The following FTO variants were observed in gnomAD, a reference collection of about 807,000 sequenced individuals.
The protein encoded by FTO is FTO alpha-ketoglutarate dependent dioxygenase, also known as alpha-ketoglutarate-dependent dioxygenase FTO.
FTO carries 47 observed loss-of-function variants against 63.9 expected under a neutral mutation model. The ratio of observed to expected loss-of-function variants is 0.74; its 90% CI spans 0.58 to 0.94. The LOEUF is 0.94. FTO is among the 40% of genes least tolerant of loss of function. The pLI is 0.00. For synonymous variants in FTO, 207 were observed against 224.4 expected (o/e 0.92, Z 0.69); for missense variants, 562 against 618.1 (o/e 0.91, Z 0.96).
chr16:53,979,535 CTGTGTGTGTGTGTG>C (rs57334871), intron 8 of FTO: 9 of 373,254 alleles, frequency 2.4e-5, no homozygotes, highest in East Asian at 3.8e-5. Context: ...ATGTTTATGG[CTGTGTGTGTGTGTG>C]TGTGTGTGTG....
intron 8 of FTO, among the ~76,000 whole-genome samples, chr16:54,037,021 CA>C (rs1314005852): frequency 1.3e-5 from 2 of 152,202 alleles, no homozygotes; most frequent in Non-Finnish European, 2.9e-5. Flanking sequence ...AACCAACTGC[CA>C]CTGTATCTTT....
intron 1 of FTO, among the ~76,000 whole-genome samples, chr16:53,760,209 T>G (rs1376450037): frequency 3.3e-4 from 8 of 24,482 alleles, no homozygotes; most frequent in African/African-American, 1.4e-3. Context: ...AGCTTTGGTG[T>G]GTGTGTGTGT....
chr16:53,795,492 C>T (rs1314986507), intron 1 of FTO, among the ~76,000 whole-genome samples: 1 of 151,750 alleles, frequency 6.6e-6, no homozygotes, highest in Admixed American at 6.6e-5. Context: ...TGTGTAGAGA[C>T]CAGATTCTCG....
At chr16:53,788,948 T>G (rs2077823798) in intron 1 of FTO, among the ~76,000 whole-genome samples, 1 of 152,232 alleles carries the variant, frequency 6.6e-6, no homozygotes, top group Non-Finnish European at 1.5e-5. Flanking sequence ...CTAGGACATT[T>G]ATAAAGCTGA....
rs2080776489 is a variant in FTO at position 53,879,950 on chromosome 16, C to T, written c.1082C>T (p.Pro361Leu). 1 of 1,613,668 alleles carries T rather than the reference C, an allele frequency of 6.2e-7. No individual in the cohort carries two copies. Among genetic ancestry groups the T allele is most frequent in the East Asian group, 2.2e-5 (1 of 44,840 alleles). The change falls in exon 6 of 9, where the codon CCT (proline) becomes CTT (leucine). Residue 361 changes from proline to leucine, a missense_variant. Pro to Leu is a moderately conservative substitution (Grantham distance 98, BLOSUM62 -3). Transcript: ENST00000471389. ...GATGTCTCTTTGAAATCCTTTGAGC[C>T]TGCAGTTTTGAAACAAGGAGAAGAA... ...NDDVSLKSFE[P>L]AVLKQGEEIH...
intron 8 of FTO, among the ~76,000 whole-genome samples, chr16:53,943,902 C>T (rs1195299129): frequency 6.6e-6 from 1 of 152,142 alleles, no homozygotes; most frequent in Non-Finnish European, 1.5e-5. Context: ...TTATCCGTAC[C>T]GTGGTTCCCA....
intron 8 of FTO, among the ~76,000 whole-genome samples, chr16:54,094,917 C>T (rs1477492053): frequency 6.6e-6 from 1 of 152,172 alleles, no homozygotes. Context: ...AACCCTCCGG[C>T]GGTTCCCCAT....
chr16:53,837,772 C>T (rs749888380), intron 3 of FTO, among the ~76,000 whole-genome samples: 3 of 152,158 alleles, frequency 2.0e-5, no homozygotes, highest in African/African-American at 4.8e-5. Context: ...ACGCTGGGAA[C>T]GTGTCTAGAA....
chr16:54,017,854 C>G (rs879543730), intron 8 of FTO, among the ~76,000 whole-genome samples: 3 of 151,970 alleles, frequency 2.0e-5, no homozygotes, highest in Non-Finnish European at 2.9e-5. Flanking sequence ...CAGCCTCGCC[C>G]GCAAATTGTA....
chr16:53,862,899 C>T (rs1417723128), intron 4 of FTO, among the ~76,000 whole-genome samples: 1 of 152,168 alleles, frequency 6.6e-6, no homozygotes, highest in African/African-American at 2.4e-5. Context: ...TCTCCAGGAT[C>T]TGTTCCTCAT....
intron 8 of FTO, among the ~76,000 whole-genome samples, chr16:54,007,439 G>C (rs535814149): frequency 2.0e-5 from 3 of 152,304 alleles, no homozygotes; most frequent in South Asian, 4.2e-4. Context: ...CCTGGAGGAA[G>C]TTATTTGCCC....
rs1249145979 is a variant in FTO, at chr16:53,975,934, C to G, written c.1364+41825C>G. 4.6e-5 allele frequency among the ~76,000 whole-genome samples: 7 copies of G among 152,024 alleles called. 1 individual carries two copies. The highest frequency in any genetic ancestry group is 3.3e-4 in the Admixed American group (5 of 15,260). ...TAACCTACAGATGAAAACTTTGAGGCACAGATTGATTAAGTAAGTATCAGA... is the reference window on the plus strand; with the variant it reads ...TAACCTACAGATGAAAACTTTGAGGGACAGATTGATTAAGTAAGTATCAGA... On this transcript the variant is annotated intron_variant, in intron 8 of 8. Coordinates refer to ENST00000471389, the MANE Select transcript of FTO (RefSeq NM_001080432.3).
chr16:53,787,842 G>A (rs550472386), intron 1 of FTO, among the ~76,000 whole-genome samples: 12 of 152,298 alleles, frequency 7.9e-5, no homozygotes, highest in Admixed American at 3.9e-4. Flanking sequence ...AGGTTCCGAC[G>A]AGTCAAAGAC....
chr16:53,869,556 T>TTC (rs2080435932), intron 4 of FTO, among the ~76,000 whole-genome samples: 1 of 140,934 alleles, frequency 7.1e-6, no homozygotes, highest in African/African-American at 2.6e-5. Flanking sequence ...TTTTTTTTTT[T>TTC]CAGTCTTTTT....
intron 8 of FTO, among the ~76,000 whole-genome samples, chr16:54,098,223 T>C (rs2086557855): frequency 6.6e-6 from 1 of 152,198 alleles, no homozygotes; most frequent in Non-Finnish European, 1.5e-5. Flanking sequence ...TGACCCACCA[T>C]TTTCTCCCTA....
At chr16:53,935,313 A>G (rs935297766) in intron 8 of FTO, among the ~76,000 whole-genome samples, 5 of 152,228 alleles carry the variant, frequency 3.3e-5, no homozygotes, top group Non-Finnish European at 7.3e-5. Context: ...TGATAGCTTT[A>G]CTAGTAATAA....
chr16:53,766,263 T>C (rs1598607824), intron 1 of FTO, among the ~76,000 whole-genome samples: 2 of 152,328 alleles, frequency 1.3e-5, no homozygotes, highest in South Asian at 4.1e-4. Context: ...TCTCACTCTG[T>C]TGCCCAGGCC....
chr16:54,100,981 G>A (rs1221373425), intron 8 of FTO, among the ~76,000 whole-genome samples: 1 of 152,096 alleles, frequency 6.6e-6, no homozygotes, highest in Non-Finnish European at 1.5e-5. Context: ...ACCATAAGTG[G>A]CCCTGACTTC....
chr16:53,760,256 G>T (rs879584518), intron 1 of FTO, among the ~76,000 whole-genome samples: 73,722 of 120,030 alleles, frequency 0.61, 20,217 homozygotes, highest in Middle Eastern at 0.79. Context: ...GTGTGTGTGT[G>T]TGTGTTTTTT....
Sources: allele counts gnomAD v4.1 joint callset (sites outside exome capture counted in the v4.1 genomes callset), GRCh38; gene constraint gnomAD v4.1.1; transcripts MANE v1.5; gene names NCBI Gene and HGNC (gene_info 2026-07-23, HGNC 2026-07-21).